Variants in CAMK1D observed in about 807,000 individuals in gnomAD.
CAMK1D encodes the protein calcium/calmodulin dependent protein kinase ID, also known as calcium/calmodulin-dependent protein kinase type 1D.
Under a neutral mutation model 47.7 loss-of-function variants are expected in CAMK1D, and 9 were observed. The ratio of observed to expected loss-of-function variants is 0.19; its 90% CI spans 0.11 to 0.33. CAMK1D has a LOEUF of 0.33. Among genes scored for constraint, CAMK1D ranks in the 10% least tolerant of loss-of-function variants. The pLI, the probability that CAMK1D is intolerant of heterozygous loss-of-function variation, is 1.00. For synonymous variants in CAMK1D, 184 were observed against 184.9 expected (o/e 0.99, Z 0.04); for missense variants, 291 against 488.7 (o/e 0.60, Z 3.81).
intron 2 of CAMK1D, among the ~76,000 whole-genome samples, chr10:12,630,354 A>T (rs1253714761): frequency 3.5e-5 from 5 of 141,976 alleles, no homozygotes; most frequent in African/African-American, 1.0e-4. Context: ...TTCTGCTAAG[A>T]TTTACTTTCT....
At chr10:12,626,479 T>C (rs7098144) in intron 2 of CAMK1D, among the ~76,000 whole-genome samples, 7,321 of 148,994 alleles carry the variant, frequency 0.049, 569 homozygotes, top group African/African-American at 0.17. Context: ...TTCTTTCTTT[T>C]TTTTTTTTTT....
chr10:12,503,557 G>T lies in CAMK1D; in HGVS notation c.93-49668G>T, dbSNP rs879679153. Among the ~76,000 whole-genome samples, 3 of 152,280 alleles carry T rather than the reference G, an allele frequency of 2.0e-5. No individual in the cohort carries two copies. In the South Asian group the frequency reaches 6.2e-4, roughly 32 times the overall value. On this transcript the variant is annotated intron_variant, in intron 1 of 10. Coordinates refer to ENST00000619168, the MANE Select transcript of CAMK1D (RefSeq NM_153498.4). ...AGAGCGGGCTCCCAGGGAGAGGGGC[G>T]GGACGTTTGTGAGTGGAGATCTTAT...
At chr10:12,572,818 A>T (rs970769771) in intron 2 of CAMK1D, among the ~76,000 whole-genome samples, 1 of 151,968 alleles carries the variant, frequency 6.6e-6, no homozygotes, top group African/African-American at 2.4e-5. Flanking sequence ...TTTTGTAGAG[A>T]TGGGAAGTCT....
At chr10:12,751,595 A>C (rs1014029489) in intron 3 of CAMK1D, among the ~76,000 whole-genome samples, 2 of 152,184 alleles carry the variant, frequency 1.3e-5, no homozygotes, top group African/African-American at 4.8e-5. Flanking sequence ...GCTACCACCT[A>C]AGTATAACTG....
intron 3 of CAMK1D, among the ~76,000 whole-genome samples, chr10:12,725,818 A>G (rs1317004176): frequency 6.6e-6 from 1 of 151,982 alleles, no homozygotes; most frequent in Non-Finnish European, 1.5e-5. Context: ...GTGCAGTGGC[A>G]TGATCTCGGC....
chr10:12,817,879 G>A (rs576957666), intron 8 of CAMK1D, among the ~76,000 whole-genome samples: 1 of 152,216 alleles, frequency 6.6e-6, no homozygotes, highest in South Asian at 2.1e-4. Flanking sequence ...AGTAGAGACA[G>A]GGTTTCGCCA....
chr10:12,609,782 G>A (rs181184570), intron 2 of CAMK1D, among the ~76,000 whole-genome samples: 1 of 152,286 alleles, frequency 6.6e-6, no homozygotes, highest in East Asian at 1.9e-4. Flanking sequence ...TGCATGGCCT[G>A]CAGGCTGAGG....
At chr10:12,743,346 C>CAAAAAAAAAAAAAAAA (rs199673328) in intron 3 of CAMK1D, among the ~76,000 whole-genome samples, 3 of 92,388 alleles carry the variant, frequency 3.2e-5, no homozygotes, top group African/African-American at 1.6e-4. Flanking sequence ...GACCCTGTCT[C>CAAAAAAAAAAAAAAAA]AAAAAAAAAA....
chr10:12,743,174 C>A (rs1190886664), intron 3 of CAMK1D, among the ~76,000 whole-genome samples: 1 of 151,908 alleles, frequency 6.6e-6, no homozygotes, highest in Admixed American at 6.6e-5. Context: ...TGATGAAACC[C>A]CATCCCTACT....
intron 2 of CAMK1D, among the ~76,000 whole-genome samples, chr10:12,624,507 T>G (rs565890805): frequency 2.5e-4 from 38 of 152,224 alleles, no homozygotes; most frequent in Admixed American, 6.5e-4. Flanking sequence ...GTATTTGTCC[T>G]TTTGTGACCG....
chr10:12,688,827 G>A (rs1832758469), intron 3 of CAMK1D, among the ~76,000 whole-genome samples: 1 of 152,142 alleles, frequency 6.6e-6, no homozygotes, highest in Admixed American at 6.5e-5. Flanking sequence ...GAGATTACAG[G>A]TGCCCTCCAC....
chr10:12,620,438 GT>G (rs1337519914), intron 2 of CAMK1D, among the ~76,000 whole-genome samples: 1 of 152,216 alleles, frequency 6.6e-6, no homozygotes, highest in Non-Finnish European at 1.5e-5. Context: ...TGACGTTGCC[GT>G]CATTTTGTGA....
chr10:12,492,116 T>G (rs1834403041), intron 1 of CAMK1D, among the ~76,000 whole-genome samples: 1 of 143,742 alleles, frequency 7.0e-6, no homozygotes, highest in Non-Finnish European at 1.6e-5. Context: ...GAGGCTTAAT[T>G]TTTTTGTTTT....
rs150963135 is a variant in CAMK1D, at chr10:12,685,038, GGTGGCTCACGCCAA to G, written c.299+18229_299+18242del. On this transcript the variant is annotated intron_variant, in intron 3 of 10. Coordinates refer to ENST00000619168, the MANE Select transcript of CAMK1D (RefSeq NM_153498.4). Reference sequence around the variant, plus strand: ...ACAACAGCCATTACTGGCTGGGCGCGGTGGCTCACGCCAACACTTTGGGAGGCCGAGGTGGGTGA... The same window carrying G: ...ACAACAGCCATTACTGGCTGGGCGCGCACTTTGGGAGGCCGAGGTGGGTGA... 7.1e-3 allele frequency among the ~76,000 whole-genome samples: 1,078 copies of G among 152,286 alleles called. 15 individuals carry two copies. The highest frequency in any genetic ancestry group is 0.025 in the African/African-American group (1,037 of 41,560).
At chr10:12,727,023 C>T (rs1169741541) in intron 3 of CAMK1D, among the ~76,000 whole-genome samples, 1 of 152,216 alleles carries the variant, frequency 6.6e-6, no homozygotes, top group Non-Finnish European at 1.5e-5. Flanking sequence ...ACCCAGGCTC[C>T]CCTTCCGCGT....
chr10:12,750,655 A>G (rs1466598082), intron 3 of CAMK1D, among the ~76,000 whole-genome samples: 1 of 152,142 alleles, frequency 6.6e-6, no homozygotes, highest in Admixed American at 6.5e-5. Context: ...AGGTTAGGGG[A>G]TGGGGAAAGT....
intron 8 of CAMK1D, among the ~76,000 whole-genome samples, chr10:12,819,356 C>G (rs1295431916): frequency 2.0e-5 from 3 of 152,144 alleles, no homozygotes; most frequent in Non-Finnish European, 4.4e-5. Flanking sequence ...ACATGGTATT[C>G]CAGAGTAGGA....
chr10:12,655,499 C>T (rs979457895), intron 2 of CAMK1D, among the ~76,000 whole-genome samples: 1 of 152,172 alleles, frequency 6.6e-6, no homozygotes, highest in African/African-American at 2.4e-5. Context: ...ATCTTAGAAC[C>T]TTTTTTCATT....
At chr10:12,666,951 C>T (rs993109521) in intron 3 of CAMK1D, 141 bp downstream of exon 3, 4 of 678,904 alleles carry the variant, frequency 5.9e-6, no homozygotes, top group African/African-American at 5.4e-5. Flanking sequence ...ACTAGAGAGG[C>T]CTGTATCCAA....
Sources: allele counts gnomAD v4.1 joint callset (sites outside exome capture counted in the v4.1 genomes callset), GRCh38; gene constraint gnomAD v4.1.1; transcripts MANE v1.5; gene names NCBI Gene and HGNC (gene_info 2026-07-23, HGNC 2026-07-21).